Variants in FOXP1 observed in about 807,000 individuals in gnomAD.
FOXP1 encodes the protein forkhead box protein P1.
Under a neutral mutation model 98.2 loss-of-function variants are expected in FOXP1, and 15 were observed. The ratio of observed to expected loss-of-function variants is 0.15; its 90% CI spans 0.10 to 0.24. The LOEUF (loss-of-function observed/expected upper bound fraction) is 0.24. Among genes scored for constraint, FOXP1 ranks in the 10% least tolerant of loss-of-function variants. FOXP1 has a pLI of 1.00. For missense variants in FOXP1, 633 were observed against 848.5 expected (o/e 0.75, Z 3.15); for synonymous variants, 371 against 314.5 (o/e 1.18, Z -1.90).
intron 13 of FOXP1, among the ~76,000 whole-genome samples, chr3:70,997,710 T>A (rs2041582709): frequency 2.0e-5 from 3 of 152,254 alleles, no homozygotes; most frequent in Admixed American, 1.3e-4. Context: ...ACAGTCGCAC[T>A]AGCAAATTAT....
At position 71,240,985 on chromosome 3, in the gene FOXP1, C is replaced by T. The variant is rs191649745; in HGVS notation, c.-11-42593G>A. On this transcript the variant is annotated intron_variant, in intron 5 of 20. Coordinates refer to ENST00000649528, the MANE Select transcript of FOXP1 (RefSeq NM_001349338.3). ...CAGCACTTTGGGAGGCTTAGGCGGG[C>T]GGATCACGAGGTCAGGAGTTCGAGA... Among the ~76,000 whole-genome samples the T allele has an allele frequency of 5.8e-4, 88 of 151,508 alleles. 1 individual carries two copies. The highest frequency in any genetic ancestry group is 1.9e-3 in the African/African-American group (79 of 41,340).
chr3:71,356,099 G>A (rs1380265719), intron 4 of FOXP1, among the ~76,000 whole-genome samples: 2 of 150,040 alleles, frequency 1.3e-5, no homozygotes, highest in Non-Finnish European at 3.0e-5. Context: ...TCGACATCAT[G>A]TAACATCAGC....
intron 5 of FOXP1, among the ~76,000 whole-genome samples, chr3:71,281,047 A>T (rs1391585853): frequency 6.7e-6 from 1 of 150,016 alleles, no homozygotes; most frequent in Admixed American, 6.6e-5. Flanking sequence ...TACAAAAAAA[A>T]AAAAAAAAAA....
At chr3:71,295,897 C>A (rs577318640) in intron 5 of FOXP1, among the ~76,000 whole-genome samples, 28 of 152,288 alleles carry the variant, frequency 1.8e-4, no homozygotes, top group African/African-American at 6.7e-4. Context: ...TTCTGGATGA[C>A]CTTGGGTAAA....
At chr3:71,497,648 C>A (rs565540660) in intron 2 of FOXP1, among the ~76,000 whole-genome samples, 34 of 152,272 alleles carry the variant, frequency 2.2e-4, no homozygotes, top group African/African-American at 8.2e-4. Context: ...CCAACAGATA[C>A]CCCAGGTAAC....
chr3:71,475,094 C>T (rs1258422567), intron 3 of FOXP1, among the ~76,000 whole-genome samples: 4 of 152,094 alleles, frequency 2.6e-5, no homozygotes, highest in Non-Finnish European at 5.9e-5. Flanking sequence ...AGGCAGCCCT[C>T]ACATCCTCTC....
chr3:71,582,493 G>GC, intron 1 of FOXP1: 5 of 985,454 alleles, frequency 5.1e-6, no homozygotes, highest in Non-Finnish European at 6.0e-6. Context: ...AAGGCTGCGC[G>GC]CAAGCGAGGG....
chr3:71,313,532 T>G (rs1463126840), intron 4 of FOXP1, among the ~76,000 whole-genome samples: 2 of 151,106 alleles, frequency 1.3e-5, no homozygotes, highest in East Asian at 3.9e-4. Flanking sequence ...GCATTTCTTT[T>G]TCTTTTTTTT....
At chr3:71,524,144 A>C (rs908648457) in intron 2 of FOXP1, among the ~76,000 whole-genome samples, 3 of 152,196 alleles carry the variant, frequency 2.0e-5, no homozygotes, top group Non-Finnish European at 4.4e-5. Flanking sequence ...TGGCCCCAAC[A>C]AATGTTTAAA....
At chr3:71,269,105 T>TTG (rs1454308225) in intron 5 of FOXP1, among the ~76,000 whole-genome samples, 2 of 150,900 alleles carry the variant, frequency 1.3e-5, no homozygotes, top group East Asian at 1.9e-4. Flanking sequence ...TTTGTTTTTT[T>TTG]TTTTTTTCAT....
intron 6 of FOXP1, among the ~76,000 whole-genome samples, chr3:71,175,308 G>C (rs1388928900): frequency 3.9e-5 from 6 of 152,180 alleles, no homozygotes; most frequent in Non-Finnish European, 8.8e-5. Context: ...AAAAGAGCTT[G>C]ACTTACTTCT....
At chr3:71,194,832 A>G (rs140389488) in intron 6 of FOXP1, among the ~76,000 whole-genome samples, 2 of 152,386 alleles carry the variant, frequency 1.3e-5, no homozygotes, top group East Asian at 3.9e-4. Context: ...AGACATAAAT[A>G]GAGTTGAAAC....
At chr3:71,033,602 C>CAAAAAAAAAAAAAA (rs35470748) in intron 11 of FOXP1, among the ~76,000 whole-genome samples, 10 of 70,670 alleles carry the variant, frequency 1.4e-4, no homozygotes, top group Non-Finnish European at 2.9e-4. Context: ...AGTGAACAGT[C>CAAAAAAAAAAAAAA]AAAAAAAAAA....
At position 71,276,955 on chromosome 3, in the gene FOXP1, C is replaced by CATT. The variant is rs1217608544; in HGVS notation, c.-12+22864_-12+22865insAAT. 6.4e-3 allele frequency among the ~76,000 whole-genome samples: 824 copies of CATT among 129,462 alleles called. 5 individuals are homozygous for CATT. Among genetic ancestry groups the CATT allele is most frequent in the Non-Finnish European group, 0.01 (639 of 61,570 alleles). The allele number at this position is 129,462 out of a possible 152,430, so 84.9% of individuals were successfully genotyped here. On this transcript the variant is annotated intron_variant, in intron 5 of 20. Coordinates refer to ENST00000649528, the MANE Select transcript of FOXP1 (RefSeq NM_001349338.3). ...CTGTTCTACTTTTTAAGTAGATCAA[C>CATT]TTTTTTTTTTTTTTTTTTTTAGAGA... is the stretch of plus-strand genomic sequence containing the variant.
At chr3:71,203,273 T>C (rs2063786446) in intron 5 of FOXP1, among the ~76,000 whole-genome samples, 1 of 152,196 alleles carries the variant, frequency 6.6e-6, no homozygotes, top group Non-Finnish European at 1.5e-5. Context: ...GCCAAAATGA[T>C]CTACTTCTCA....
At chr3:70,970,603 G>T (rs997260974) in intron 19 of FOXP1, 133 bp downstream of exon 19, 2 of 816,200 alleles carry the variant, frequency 2.5e-6, no homozygotes, top group Non-Finnish European at 2.2e-6. Flanking sequence ...GGAGTATGAT[G>T]CTTTGTGCAC....
intron 5 of FOXP1, among the ~76,000 whole-genome samples, chr3:71,268,468 G>A (rs910294465): frequency 6.6e-6 from 1 of 152,084 alleles, no homozygotes; most frequent in African/African-American, 2.4e-5. Flanking sequence ...TTCAAAAACT[G>A]ATGAGCCAAG....
intron 4 of FOXP1, among the ~76,000 whole-genome samples, chr3:71,348,220 G>A (rs2077496066): frequency 6.6e-6 from 1 of 152,026 alleles, no homozygotes; most frequent in South Asian, 2.1e-4. Flanking sequence ...ATGGATAAGG[G>A]GAAACTACTG....
chr3:71,463,067 G>A (rs1328328240), intron 3 of FOXP1, among the ~76,000 whole-genome samples: 1 of 152,074 alleles, frequency 6.6e-6, no homozygotes. Context: ...TCAGACCTCC[G>A]AACTTGTCAA....
Sources: gnomAD v4.1 joint callset for allele counts (sites outside exome capture counted in the v4.1 genomes callset) on GRCh38, gnomAD v4.1.1 for gene constraint, MANE v1.5 for transcripts, NCBI Gene and HGNC (gene_info 2026-07-23, HGNC 2026-07-21) for gene names.